The following PTPRN2 variants were observed in gnomAD, a reference collection of about 807,000 sequenced individuals.
PTPRN2 encodes the protein protein tyrosine phosphatase receptor type N2.
In PTPRN2, 74 loss-of-function variants were observed where a neutral mutation model predicts 118.8. That is an observed-to-expected ratio of 0.62 (90% CI 0.52 to 0.76). The LOEUF is 0.76. Ranked by LOEUF, PTPRN2 falls within the 30% of genes least tolerant of loss-of-function variation. PTPRN2 has a pLI of 0.00. For synonymous variants in PTPRN2, 641 were observed against 608.0 expected (o/e 1.05, Z -0.80); for missense variants, 1,481 against 1,394.4 (o/e 1.06, Z -0.99).
At chr7:158,227,779 TAAG>T (rs1828905965) in intron 3 of PTPRN2, among the ~76,000 whole-genome samples, 2 of 152,244 alleles carry the variant, frequency 1.3e-5, no homozygotes, top group East Asian at 3.9e-4. Flanking sequence ...AAACACTCCT[TAAG>T]AAGATGACGT....
At chr7:158,250,884 A>G (rs1052643762) in intron 3 of PTPRN2, among the ~76,000 whole-genome samples, 2 of 152,186 alleles carry the variant, frequency 1.3e-5, no homozygotes, top group African/African-American at 4.8e-5. Context: ...GTAGAGAAAA[A>G]ATTAACAATT....
rs111796941 is a variant in PTPRN2, at chr7:158,411,951, C to T, written c.163+77784G>A. Among the ~76,000 whole-genome samples, 692 of 151,696 alleles carry T rather than the reference C, an allele frequency of 4.6e-3. 4 individuals carry two copies. The highest frequency in any genetic ancestry group is 0.016 in the African/African-American group (664 of 41,294). The stretch of plus-strand genomic sequence containing the variant: ...CAAGAACACACCTGCCAGGGCCCAT[C>T]GCAGCACCCTCATCAGCTCCAGGGC... On this transcript the variant is annotated intron_variant, in intron 2 of 22. Transcript: ENST00000389418.
chr7:158,559,301 C>T lies in PTPRN2; in HGVS notation c.112+28257G>A, dbSNP rs73512205. Among the ~76,000 whole-genome samples, 1,263 of 152,318 alleles carry T rather than the reference C, an allele frequency of 8.3e-3. 19 individuals carry two copies. The highest frequency in any genetic ancestry group is 0.028 in the African/African-American group (1,170 of 41,556). On this transcript the variant is annotated intron_variant, in intron 1 of 22. Coordinates refer to ENST00000389418, the MANE Select transcript of PTPRN2 (RefSeq NM_002847.5). ...AATAAAATGCATTCACCACATCCTA[C>T]TCATACTTCTCAACACTGTAATATT...
intron 12 of PTPRN2, among the ~76,000 whole-genome samples, chr7:157,803,886 A>T (rs963363426): frequency 1.3e-5 from 2 of 152,196 alleles, no homozygotes; most frequent in Non-Finnish European, 2.9e-5. Flanking sequence ...CAGGTTTTTC[A>T]TGATGGCAAA....
intron 6 of PTPRN2, among the ~76,000 whole-genome samples, chr7:158,151,163 A>C (rs1163078449): frequency 2.8e-5 from 1 of 36,324 alleles, no homozygotes; most frequent in Non-Finnish European, 5.0e-5. Flanking sequence ...CCCTGCCCAC[A>C]CCGCCCGCCT....
chr7:158,172,006 T>C (rs1823746610), intron 5 of PTPRN2, among the ~76,000 whole-genome samples: 1 of 152,196 alleles, frequency 6.6e-6, no homozygotes, highest in South Asian at 2.1e-4. Context: ...AGCCCAGCTG[T>C]GGATATGAAG....
At position 157,772,953 on chromosome 7, in the gene PTPRN2, C is replaced by T. The variant is rs146131598; in HGVS notation, c.1789-90016G>A. Among the ~76,000 whole-genome samples the T allele has an allele frequency of 1.4e-3, 219 of 152,282 alleles. 5 individuals are homozygous for T. Among genetic ancestry groups the T allele is most frequent in the South Asian group, 0.011 (53 of 4,822 alleles). On this transcript the variant is annotated intron_variant, in intron 12 of 22. Transcript: ENST00000389418. The stretch of plus-strand genomic sequence containing the variant: ...AGGCTGCATGCCGACTCCGGGTGTA[C>T]ACTGGGTACTGGCGGGGTCTTCCTG...
chr7:157,860,597 T>C (rs766455951), intron 12 of PTPRN2, among the ~76,000 whole-genome samples: 12 of 152,280 alleles, frequency 7.9e-5, no homozygotes, highest in Admixed American at 5.2e-4. Context: ...ACGCTGGAAC[T>C]AGATACCACT....
In PTPRN2 at chr7:157,784,838, C is replaced by T. The variant is rs1803924168; in HGVS notation, c.1789-101901G>A. On this transcript the variant is annotated intron_variant, in intron 12 of 22. Transcript: ENST00000389418. The surrounding 1 kb of genome is among the most constrained non-coding windows in gnomAD (Gnocchi z 4.6). ...CCATCGTGTGGGGCGACATAGGGGCCCAGGGGGCCTGGACAAGTAATAAGG... is the reference window on the plus strand; with the variant it reads ...CCATCGTGTGGGGCGACATAGGGGCTCAGGGGGCCTGGACAAGTAATAAGG... 6.6e-6 allele frequency among the ~76,000 whole-genome samples: 1 copy of T among 151,946 alleles called. No individual in the cohort carries two copies.
chr7:158,041,034 C>T (rs1006398315), intron 11 of PTPRN2, among the ~76,000 whole-genome samples: 1 of 152,202 alleles, frequency 6.6e-6, no homozygotes, highest in Non-Finnish European at 1.5e-5. Flanking sequence ...CCCGGTCCAC[C>T]TGCTTTTCAA....
chr7:158,070,808 TGG>T, intron 11 of PTPRN2, among the ~76,000 whole-genome samples: 1 of 114,942 alleles, frequency 8.7e-6, no homozygotes, highest in South Asian at 3.2e-4. Flanking sequence ...GTGCCCGTGG[TGG>T]TGAAGGTGCC....
Position 158,152,214 on chromosome 7 carries a change from G to A in PTPRN2, c.911-13699C>T, listed in dbSNP as rs968851092. Reference sequence around the variant, plus strand: ...AAACCATGAATGCACAGAATATGTGGTGGTGATTGATGCTGCGAAGAAATA... The same window carrying A: ...AAACCATGAATGCACAGAATATGTGATGGTGATTGATGCTGCGAAGAAATA... On this transcript the variant is annotated intron_variant, in intron 6 of 22. Transcript: ENST00000389418. Among the ~76,000 whole-genome samples the A allele has an allele frequency of 6.8e-5, 10 of 147,754 alleles. 1 individual carries two copies. The highest frequency in any genetic ancestry group is 6.2e-4 in the Admixed American group (9 of 14,620).
chr7:158,319,513 ACACACAGCCTCCCT>A (rs1563131679), intron 2 of PTPRN2, among the ~76,000 whole-genome samples: 994 of 71,488 alleles, frequency 0.014, 70 homozygotes, highest in South Asian at 0.024. Flanking sequence ...CTCCCCCCAC[ACACACAGCCTCCCT>A]CACACACACA....
intron 2 of PTPRN2, among the ~76,000 whole-genome samples, chr7:158,403,429 G>T (rs932962146): frequency 3.9e-5 from 6 of 152,226 alleles, no homozygotes; most frequent in Non-Finnish European, 8.8e-5. Flanking sequence ...CCCTGGACAG[G>T]CCCGGGCACA....
intron 12 of PTPRN2, among the ~76,000 whole-genome samples, chr7:157,827,326 G>T (rs1212346328): frequency 6.6e-6 from 1 of 151,764 alleles, no homozygotes; most frequent in Non-Finnish European, 1.5e-5. Context: ...GGTTTTGAGA[G>T]GTGGGCACCC....
chr7:158,387,905 A>G (rs573872165), intron 2 of PTPRN2, among the ~76,000 whole-genome samples: 116 of 152,232 alleles, frequency 7.6e-4, no homozygotes, highest in Middle Eastern at 3.4e-3. Context: ...CAGGCCCCCA[A>G]TCGGTGAGCT....
intron 12 of PTPRN2, among the ~76,000 whole-genome samples, chr7:157,685,398 G>A (rs1312655900): frequency 1.3e-5 from 2 of 152,082 alleles, no homozygotes; most frequent in African/African-American, 4.8e-5. Flanking sequence ...GGGGGCGGCG[G>A]GGCCACGGCG....
intron 2 of PTPRN2, among the ~76,000 whole-genome samples, chr7:158,332,734 C>A (rs1804748014): frequency 6.6e-6 from 1 of 151,506 alleles, no homozygotes; most frequent in Non-Finnish European, 1.5e-5. Context: ...CACACTCTCA[C>A]CATAAGAGCT....
rs570685743 is a variant in PTPRN2 at position 158,519,964 on chromosome 7, T to C, written c.113-30179A>G. Among the ~76,000 whole-genome samples the C allele has an allele frequency of 5.3e-5, 8 of 152,346 alleles. No homozygotes were observed. The South Asian group carries it at 1.7e-3, about 32-fold the overall frequency. On this transcript the variant is annotated intron_variant, in intron 1 of 22. Coordinates refer to ENST00000389418, the MANE Select transcript of PTPRN2 (RefSeq NM_002847.5). ...CTTTCCTGTTCAGTGCAATGACTACTCTGCCAAACACACAAGTTCTGAACA... is the reference window on the plus strand; with the variant it reads ...CTTTCCTGTTCAGTGCAATGACTACCCTGCCAAACACACAAGTTCTGAACA...
Sources: allele counts gnomAD v4.1 joint callset (sites outside exome capture counted in the v4.1 genomes callset), GRCh38; gene constraint gnomAD v4.1.1; non-coding constraint Gnocchi (gnomAD v3.1); transcripts MANE v1.5; gene names NCBI Gene and HGNC (gene_info 2026-07-23, HGNC 2026-07-21).